SLC39A8: variants seen among roughly 807,000 people sequenced by gnomAD.
The protein encoded by SLC39A8 is solute carrier family 39 member 8, also known as metal cation symporter ZIP8.
In SLC39A8, 15 loss-of-function variants were observed where a neutral mutation model predicts 40.4. The observed-to-expected ratio is 0.37, with a 90% CI of 0.25 to 0.57. The LOEUF (loss-of-function observed/expected upper bound fraction) is 0.57. Ranked by LOEUF, SLC39A8 falls within the 20% of genes least tolerant of loss-of-function variation. SLC39A8 has a pLI of 0.75. For missense variants in SLC39A8, 472 were observed against 558.8 expected (o/e 0.84, Z 1.57); for synonymous variants, 223 against 221.6 (o/e 1.01, Z -0.06).
At chr4:102,334,372 C>T (rs1578627717) in intron 2 of SLC39A8, among the ~76,000 whole-genome samples, 1 of 152,288 alleles carries the variant, frequency 6.6e-6, no homozygotes, top group East Asian at 1.9e-4. Flanking sequence ...TCTGGGGGAA[C>T]TGATATGTCC....
chr4:102,273,961 C>T (rs140251479), intron 6 of SLC39A8, among the ~76,000 whole-genome samples: 3 of 152,228 alleles, frequency 2.0e-5, no homozygotes, highest in African/African-American at 7.2e-5. Flanking sequence ...ACAGCAAAGA[C>T]CAAAGGTAGA....
intron 2 of SLC39A8, among the ~76,000 whole-genome samples, chr4:102,337,233 C>CAAAAAA (rs34502649): frequency 5.5e-5 from 6 of 110,056 alleles, no homozygotes; most frequent in African/African-American, 1.9e-4. Context: ...TCACTTTTCT[C>CAAAAAA]AAAAAAAAAA....
At chr4:102,319,905 G>T (rs1330560302) in intron 2 of SLC39A8, among the ~76,000 whole-genome samples, 2 of 151,770 alleles carry the variant, frequency 1.3e-5, no homozygotes, top group African/African-American at 4.8e-5. Context: ...ACCCATTGAA[G>T]GTCTGAACAG....
intron 2 of SLC39A8, among the ~76,000 whole-genome samples, chr4:102,330,744 T>A (rs976933938): frequency 1.3e-5 from 2 of 152,118 alleles, no homozygotes; most frequent in Non-Finnish European, 2.9e-5. Context: ...CAGGTCAATA[T>A]CCCTGATGAA....
chr4:102,261,009 T>C (rs1174789435), downstream of SLC39A8, among the ~76,000 whole-genome samples: 1 of 152,130 alleles, frequency 6.6e-6, no homozygotes, highest in Non-Finnish European at 1.5e-5. Flanking sequence ...CATGAGAGAA[T>C]GCCTTGTGCA....
intron 3 of SLC39A8, among the ~76,000 whole-genome samples, chr4:102,310,765 T>G (rs1003113716): frequency 6.6e-6 from 1 of 152,128 alleles, no homozygotes; most frequent in African/African-American, 2.4e-5. Flanking sequence ...TCCTTGGACA[T>G]CTCCATATAT....
intron 8 of SLC39A8, among the ~76,000 whole-genome samples, chr4:102,266,617 C>CTT (rs11446392): frequency 6.7e-6 from 1 of 149,122 alleles, no homozygotes. Flanking sequence ...CATGCACACT[C>CTT]TTTTTTTTTT....
chr4:102,314,924 G>A lies in SLC39A8; in HGVS notation c.382+744C>T, dbSNP rs149593769. Reference sequence around the variant, plus strand: ...TTTACCATTGACTCCTTAGTGCACAGAACAATACTTGGTATGTCGTTCAAT... The same window carrying A: ...TTTACCATTGACTCCTTAGTGCACAAAACAATACTTGGTATGTCGTTCAAT... On this transcript the variant is annotated intron_variant, in intron 3 of 8. Coordinates refer to ENST00000356736, the MANE Select transcript of SLC39A8 (RefSeq NM_001135146.2). 9.4e-4 allele frequency among the ~76,000 whole-genome samples: 143 copies of A among 152,168 alleles called. 1 individual carries two copies. The highest frequency in any genetic ancestry group is 3.4e-3 in the African/African-American group (140 of 41,524).
rs374221723 is a variant in SLC39A8 at position 102,315,741 on chromosome 4, T to A, written c.309A>T (p.Ala103=). The change falls in exon 3 of 9, where the codon GCA becomes GCT. Residue 103 remains alanine (A), a synonymous_variant. Transcript: ENST00000356736. ...GGTGAAAGTTCAATTGCTGTAAGACTGCTGGACAGATGACAGAGAATTTGG... is the reference window on the plus strand; with the variant it reads ...GGTGAAAGTTCAATTGCTGTAAGACAGCTGGACAGATGACAGAGAATTTGG... ...TSSKFSVICP[A]VLQQLNFHPC... 6.2e-7 allele frequency: 1 copy of A among 1,613,520 alleles called. No homozygotes were observed. Among genetic ancestry groups the A allele is most frequent in the Non-Finnish European group, 8.5e-7 (1 of 1,179,616 alleles).
At chr4:102,323,978 A>G (rs1735080298) in intron 2 of SLC39A8, among the ~76,000 whole-genome samples, 1 of 152,204 alleles carries the variant, frequency 6.6e-6, no homozygotes, top group African/African-American at 2.4e-5. Context: ...ATAACCCTAC[A>G]ATAAGAAATT....
intron 2 of SLC39A8, among the ~76,000 whole-genome samples, chr4:102,317,210 T>C (rs1171896065): frequency 6.6e-6 from 1 of 152,146 alleles, no homozygotes; most frequent in African/African-American, 2.4e-5. Context: ...ATTTAAAATG[T>C]CATATTTTGT....
Position 102,262,932 on chromosome 4 carries a change from A to G in SLC39A8, c.*112T>C, listed in dbSNP as rs151393. 0.77 allele frequency: 1,097,828 copies of G among 1,430,610 alleles called. 423,819 individuals are homozygous for G. Among genetic ancestry groups the G allele is most frequent in the Middle Eastern group, 0.79 (3,108 of 3,934 alleles). The allele number at this position is 1,430,610 out of a possible 1,614,324, so 88.6% of individuals were successfully genotyped here. A position where few individuals can be genotyped will look rare whatever the true frequency, so the allele number is the denominator to read the frequency against. On this transcript the variant is annotated 3_prime_UTR_variant, in exon 9 of 9. Transcript: ENST00000356736. Reference sequence around the variant, plus strand: ...CCAATAATTAGTTTTCTGGACCTACAGTTGAAAGCAAAATTATCTTTTTAA... The same window carrying G: ...CCAATAATTAGTTTTCTGGACCTACGGTTGAAAGCAAAATTATCTTTTTAA...
chr4:102,344,287 C>A (rs1736062571), intron 2 of SLC39A8, among the ~76,000 whole-genome samples, 157 bp downstream of exon 2: 1 of 151,998 alleles, frequency 6.6e-6, no homozygotes, highest in Admixed American at 6.6e-5. Context: ...TCAGCCTCGT[C>A]TAGTGAAAAG....
intron 2 of SLC39A8, among the ~76,000 whole-genome samples, chr4:102,326,284 G>T (rs751068909): frequency 6.6e-6 from 1 of 152,202 alleles, no homozygotes; most frequent in Non-Finnish European, 1.5e-5. Context: ...CACCTTGGCC[G>T]GGTGCGGTGG....
At chr4:102,264,864 C>T (rs1732029039) in intron 8 of SLC39A8, among the ~76,000 whole-genome samples, 2 of 152,194 alleles carry the variant, frequency 1.3e-5, no homozygotes, top group African/African-American at 4.8e-5. Flanking sequence ...TCTTCTGCAG[C>T]TTCTTTACTT....
chr4:102,272,401 G>C (rs574697111), intron 6 of SLC39A8, among the ~76,000 whole-genome samples: 5 of 151,484 alleles, frequency 3.3e-5, no homozygotes, highest in African/African-American at 1.2e-4. Context: ...ATCGCAGTGA[G>C]CCGAGCCTGG....
intron 3 of SLC39A8, among the ~76,000 whole-genome samples, chr4:102,313,841 G>T (rs563537651): frequency 5.3e-5 from 8 of 152,020 alleles, no homozygotes; most frequent in South Asian, 2.1e-4. Flanking sequence ...CTCTGCCTTG[G>T]CCTCCCAAAG....
chr4:102,269,270 T>C (rs756242861), intron 6 of SLC39A8, among the ~76,000 whole-genome samples: 1 of 152,248 alleles, frequency 6.6e-6, no homozygotes. Flanking sequence ...CCAAACACTT[T>C]GGGGACCAAC....
intron 6 of SLC39A8, among the ~76,000 whole-genome samples, chr4:102,278,535 T>C (rs1480918003): frequency 6.6e-6 from 1 of 152,164 alleles, no homozygotes; most frequent in East Asian, 1.9e-4. Context: ...TTTTACACTG[T>C]TGGTGGGAGT....
Sources: gnomAD v4.1 joint callset for allele counts (sites outside exome capture counted in the v4.1 genomes callset) on GRCh38, gnomAD v4.1.1 for gene constraint, MANE v1.5 for transcripts, NCBI Gene and HGNC (gene_info 2026-07-23, HGNC 2026-07-21) for gene names.